Variants in AGAP1 observed in about 807,000 individuals in gnomAD.
AGAP1 encodes the protein ArfGAP with GTPase domain, ankyrin repeat and PH domain 1.
AGAP1 carries 29 observed loss-of-function variants against 105.3 expected under a neutral mutation model. That is an observed-to-expected ratio of 0.28 (90% CI 0.21 to 0.38). AGAP1 has a LOEUF of 0.38. Among genes scored for constraint, AGAP1 ranks in the 10% least tolerant of loss-of-function variants. The pLI, the probability that AGAP1 is intolerant of heterozygous loss-of-function variation, is 1.00. For missense variants in AGAP1, 998 were observed against 1,165.1 expected, an observed-to-expected ratio of 0.86 and a Z score of 2.09; for synonymous variants, 509 against 485.9, an observed-to-expected ratio of 1.05 and a Z score of -0.63.
rs1246691430 is a variant in AGAP1 at position 235,883,795 on chromosome 2, A to G, written c.1155+346A>G. Among the ~76,000 whole-genome samples, 3 of 152,230 alleles carry G rather than the reference A, an allele frequency of 2.0e-5. No homozygotes were observed. The highest frequency in any genetic ancestry group is 6.5e-5 in the Admixed American group (1 of 15,284). On this transcript the variant is annotated intron_variant, in intron 10 of 17. Coordinates refer to ENST00000304032, the MANE Select transcript of AGAP1 (RefSeq NM_001037131.3). This position sits in a 1 kb window ranked among gnomAD's most constrained non-coding sequence, Gnocchi z 4.5. ...TGGTCTATCTGAAAATCGAGAATGA[A>G]GGAAACAATTACATTTGAACCCAGG... is the stretch of plus-strand genomic sequence containing the variant.
At chr2:236,084,343 T>C (rs778014918) in intron 16 of AGAP1, among the ~76,000 whole-genome samples, 3 of 152,320 alleles carry the variant, frequency 2.0e-5, no homozygotes, top group East Asian at 1.9e-4. Context: ...CATTTCATGC[T>C]GTAAGGATCA....
At chr2:235,504,954 G>A (rs1941731669) in intron 1 of AGAP1, among the ~76,000 whole-genome samples, 1 of 152,192 alleles carries the variant, frequency 6.6e-6, no homozygotes, top group Admixed American at 6.5e-5. Context: ...CCCTCACCAG[G>A]AAGAGGGCGC....
rs754538277 is a variant in AGAP1, at chr2:236,090,922, A to G, written c.2115-29270A>G. Among the ~76,000 whole-genome samples the G allele has an allele frequency of 6.6e-6, 1 of 152,084 alleles. No homozygotes were observed. The highest frequency in any genetic ancestry group is 1.5e-5 in the Non-Finnish European group (1 of 68,028). ...ACCCGGCTAATTTTGCATTTTTAGTAGGGATGAGGTTTCACCATGTTGGCC... is the reference window on the plus strand; with the variant it reads ...ACCCGGCTAATTTTGCATTTTTAGTGGGGATGAGGTTTCACCATGTTGGCC... On this transcript the variant is annotated intron_variant, in intron 16 of 17. Coordinates refer to ENST00000304032, the MANE Select transcript of AGAP1 (RefSeq NM_001037131.3). This position sits in a 1 kb window ranked among gnomAD's most constrained non-coding sequence, Gnocchi z 4.3.
At chr2:235,529,735 A>G (rs906908749) in intron 1 of AGAP1, among the ~76,000 whole-genome samples, 1 of 152,036 alleles carries the variant, frequency 6.6e-6, no homozygotes, top group African/African-American at 2.4e-5. Flanking sequence ...GACTGTTGGG[A>G]ATTTTGGAAG....
intron 9 of AGAP1, among the ~76,000 whole-genome samples, chr2:235,876,968 C>T (rs11692826): frequency 1.6e-4 from 24 of 152,048 alleles, no homozygotes; most frequent in Admixed American, 2.6e-4. Flanking sequence ...CTGCCTCAGC[C>T]TCCCAAGTAG....
chr2:235,865,863 A>G lies in AGAP1; in HGVS notation c.1051-17482A>G, dbSNP rs1264093069. Among the ~76,000 whole-genome samples the G allele has an allele frequency of 6.6e-6, 1 of 152,216 alleles. No individual in the cohort carries two copies. Among genetic ancestry groups the G allele is most frequent in the African/African-American group, 2.4e-5 (1 of 41,446 alleles). On this transcript the variant is annotated intron_variant, in intron 9 of 17. Coordinates refer to ENST00000304032, the MANE Select transcript of AGAP1 (RefSeq NM_001037131.3). This position sits in a 1 kb window ranked among gnomAD's most constrained non-coding sequence, Gnocchi z 6.2. ...CCAGCATCGTGGATGTGAATTTGCC[A>G]GAAGTTTTCCGTTTGTGGAGGACTG...
chr2:235,869,565 C>T (rs993645604), intron 9 of AGAP1, among the ~76,000 whole-genome samples: 9 of 152,090 alleles, frequency 5.9e-5, no homozygotes, highest in African/African-American at 2.2e-4. Flanking sequence ...CGCGCCACTG[C>T]ACTCCAGCCT....
intron 1 of AGAP1, among the ~76,000 whole-genome samples, chr2:235,520,876 T>C (rs10460275): frequency 0.12 from 18,677 of 152,252 alleles, 1,337 homozygotes; most frequent in Middle Eastern, 0.26. Context: ...AAAGCTGTTA[T>C]GGATGCTCCA....
At chr2:235,832,350 G>A (rs1959522766) in intron 9 of AGAP1, among the ~76,000 whole-genome samples, 1 of 152,044 alleles carries the variant, frequency 6.6e-6, no homozygotes, top group Admixed American at 6.5e-5. Context: ...GTTTAGGTAG[G>A]TCTTGGGCTT....
At position 235,799,409 on chromosome 2, in the gene AGAP1, G is replaced by A. The variant is rs552995872; in HGVS notation, c.844G>A (p.Val282Ile). Residue 282 changes from valine to isoleucine, a missense_variant, in exon 8 of 18, where the codon GTT becomes ATT. Coordinates refer to ENST00000304032, the MANE Select transcript of AGAP1 (RefSeq NM_001037131.3). The surrounding 1 kb of genome is among the most constrained non-coding windows in gnomAD (Gnocchi z 5.0). ...GGSLSDYSSS[V>I]PSTPSTSQKE... ...GAGTTTAAGCGACTATTCCTCCTCC[G>A]TTCCATCGACTCCCAGCACCAGCCA... The A allele has an allele frequency of 8.1e-6, 13 of 1,614,056 alleles. No homozygotes were observed. Among genetic ancestry groups the A allele is most frequent in the South Asian group, 3.3e-5 (3 of 91,070 alleles).
intron 15 of AGAP1, among the ~76,000 whole-genome samples, chr2:236,043,493 A>C (rs1370875629): frequency 6.6e-6 from 1 of 152,140 alleles, no homozygotes; most frequent in Non-Finnish European, 1.5e-5. Flanking sequence ...TTGGGAGGCC[A>C]AGGTGGGCGG....
At chr2:235,648,008 G>A (rs988418951) in intron 1 of AGAP1, among the ~76,000 whole-genome samples, 2 of 152,174 alleles carry the variant, frequency 1.3e-5, no homozygotes, top group African/African-American at 4.8e-5. Flanking sequence ...GAGCACATGT[G>A]GCTTCTTGAG....
In AGAP1 at chr2:235,993,961, C is replaced by G. The variant is rs939703061; in HGVS notation, c.1645+25338C>G. Among the ~76,000 whole-genome samples the G allele has an allele frequency of 6.6e-6, 1 of 152,046 alleles. No homozygotes were observed. Among genetic ancestry groups the G allele is most frequent in the African/African-American group, 2.4e-5 (1 of 41,358 alleles). On this transcript the variant is annotated intron_variant, in intron 13 of 17. Transcript: ENST00000304032. The surrounding 1 kb of genome is among the most constrained non-coding windows in gnomAD (Gnocchi z 5.0). ...GAAAACCCAGAACATTCCAGATGTCCTAGGAACACAGGTCCTAGGTGTTTT... is the reference window on the plus strand; with the variant it reads ...GAAAACCCAGAACATTCCAGATGTCGTAGGAACACAGGTCCTAGGTGTTTT...
At chr2:235,997,049 G>A (rs1203752556) in intron 13 of AGAP1, among the ~76,000 whole-genome samples, 1 of 152,198 alleles carries the variant, frequency 6.6e-6, no homozygotes, top group Non-Finnish European at 1.5e-5. Flanking sequence ...GTGTGTGCAT[G>A]CATAGGTACA....
At position 235,888,756 on chromosome 2, in the gene AGAP1, G is replaced by A. The variant is rs114725996; in HGVS notation, c.1155+5307G>A. On this transcript the variant is annotated intron_variant, in intron 10 of 17. Transcript: ENST00000304032. This position sits in a 1 kb window ranked among gnomAD's most constrained non-coding sequence, Gnocchi z 4.8. ...GCAGGTACAGCATTTGTTGCTGTCG[G>A]GTAGAGCGGCCACCCACTGCCCCAG... Among the ~76,000 whole-genome samples, 2,049 of 152,042 alleles carry A rather than the reference G, an allele frequency of 0.013. 27 individuals are homozygous for A. Among genetic ancestry groups the A allele is most frequent in the Middle Eastern group, 0.024 (7 of 292 alleles).
chr2:236,124,255 C>T lies in AGAP1; in HGVS notation c.*133C>T, dbSNP rs2059968603. ...TGGTGGCCACCTCCCTCCCGCCCAC[C>T]CACTCTCACCCCAAACAAAATCACA... On this transcript the variant is annotated 3_prime_UTR_variant, in exon 18 of 18. Coordinates refer to ENST00000304032, the MANE Select transcript of AGAP1 (RefSeq NM_001037131.3). This position sits in a 1 kb window ranked among gnomAD's most constrained non-coding sequence, Gnocchi z 5.1. 1.0e-6 allele frequency: 1 copy of T among 994,692 alleles called. No individual in the cohort carries two copies. The highest frequency in any genetic ancestry group is 1.5e-6 in the Non-Finnish European group (1 of 671,922). 61.6% of individuals were successfully genotyped at this position (994,692 alleles called of 1,614,324 possible).
chr2:235,529,433 A>G (rs1207111298), intron 1 of AGAP1, among the ~76,000 whole-genome samples: 1 of 152,198 alleles, frequency 6.6e-6, no homozygotes, highest in Non-Finnish European at 1.5e-5. Flanking sequence ...TTTGGTGTCC[A>G]GGGGTGCCTG....
In AGAP1 at chr2:235,737,813, C is replaced by A. The variant is rs1952339648; in HGVS notation, c.311-3150C>A. On this transcript the variant is annotated intron_variant, in intron 3 of 17. Transcript: ENST00000304032. The surrounding 1 kb of genome is among the most constrained non-coding windows in gnomAD (Gnocchi z 4.5). ...CCCCTGGGACAGGCTCCACTCCTCC[C>A]TTCTTGCTCTGGAGGTGACACAGTC... Among the ~76,000 whole-genome samples the A allele has an allele frequency of 6.6e-6, 1 of 152,118 alleles. No homozygotes were observed. The highest frequency in any genetic ancestry group is 2.4e-5 in the African/African-American group (1 of 41,438).
intron 1 of AGAP1, among the ~76,000 whole-genome samples, chr2:235,686,440 T>C (rs955633171): frequency 8.6e-5 from 13 of 151,590 alleles, no homozygotes; most frequent in African/African-American, 2.9e-4. Context: ...TGTATTATAT[T>C]GTGGGGATTA....
Sources: gnomAD v4.1 joint callset for allele counts (sites outside exome capture counted in the v4.1 genomes callset) on GRCh38, gnomAD v4.1.1 for gene constraint, Gnocchi (gnomAD v3.1) non-coding constraint, MANE v1.5 for transcripts, NCBI Gene and HGNC (gene_info 2026-07-23, HGNC 2026-07-21) for gene names.